The following TAOK1 variants were observed in gnomAD, a reference collection of about 807,000 sequenced individuals.
TAOK1 encodes serine/threonine-protein kinase TAO1.
Under a neutral mutation model 138.3 loss-of-function variants are expected in TAOK1, and 21 were observed. The ratio of observed to expected loss-of-function variants is 0.15; its 90% CI spans 0.11 to 0.22. The LOEUF (loss-of-function observed/expected upper bound fraction) is 0.22. Among genes scored for constraint, TAOK1 ranks in the 10% least tolerant of loss-of-function variants. The probability of loss-of-function intolerance (pLI) is 1.00; values close to 1 mark genes in which losing one functional copy is unlikely to be tolerated. For synonymous variants in TAOK1, 361 were observed against 398.4 expected (o/e 0.91, Z 1.12); for missense variants, 651 against 1,227.7 (o/e 0.53, Z 7.02).
At chr17:29,437,446 CCTCAGCCT>C (rs946183812) in intron 1 of TAOK1, among the ~76,000 whole-genome samples, 24 of 152,218 alleles carry the variant, frequency 1.6e-4, no homozygotes, top group African/African-American at 5.8e-4. Context: ...GATCTGCCTG[CCTCAGCCT>C]CTCAAAGTGT....
intron 1 of TAOK1, among the ~76,000 whole-genome samples, chr17:29,442,929 C>T (rs1178269534): frequency 6.6e-6 from 1 of 152,048 alleles, no homozygotes; most frequent in Admixed American, 6.5e-5. Flanking sequence ...CTGATTCGTC[C>T]TATAATGTCA....
chr17:29,453,940 C>T (rs2030310086), intron 2 of TAOK1, among the ~76,000 whole-genome samples: 1 of 150,846 alleles, frequency 6.6e-6, no homozygotes, highest in Non-Finnish European at 1.5e-5. Flanking sequence ...TCCAGAATAG[C>T]TGGGACCACA....
At chr17:29,466,998 G>C (rs539707875) in intron 2 of TAOK1, 147 bp from the exon 3 acceptor site, 2 of 458,430 alleles carry the variant, frequency 4.4e-6, no homozygotes, top group Non-Finnish European at 7.8e-6. Context: ...TTGCTGTATA[G>C]TGTTATTTTT....
At chr17:29,465,710 C>A (rs2030645734) in intron 2 of TAOK1, among the ~76,000 whole-genome samples, 1 of 151,796 alleles carries the variant, frequency 6.6e-6, no homozygotes, top group African/African-American at 2.4e-5. Flanking sequence ...GGTTTCTAAC[C>A]CTTTTATTAA....
chr17:29,407,965 T>C (rs1166348343), intron 1 of TAOK1, among the ~76,000 whole-genome samples: 1 of 151,860 alleles, frequency 6.6e-6, no homozygotes, highest in Admixed American at 6.6e-5. Flanking sequence ...TGGGCTTAAG[T>C]GATCCTCTTG....
At chr17:29,474,400 C>G (rs764650941) in intron 3 of TAOK1, among the ~76,000 whole-genome samples, 8 of 152,266 alleles carry the variant, frequency 5.3e-5, no homozygotes, top group Non-Finnish European at 1.2e-4. Context: ...TTTTGACATG[C>G]CTTTCTCACT....
chr17:29,421,421 A>G (rs186938821), intron 1 of TAOK1, among the ~76,000 whole-genome samples: 3 of 152,290 alleles, frequency 2.0e-5, no homozygotes, highest in East Asian at 3.9e-4. Flanking sequence ...TGGTTTTGGT[A>G]TCATGGTAAT....
At chr17:29,418,075 A>G (rs972059929) in intron 1 of TAOK1, among the ~76,000 whole-genome samples, 1 of 152,026 alleles carries the variant, frequency 6.6e-6, no homozygotes, top group African/African-American at 2.4e-5. Flanking sequence ...TTTAGTAGAG[A>G]CGGGGTTTCG....
chr17:29,475,796 G>A (rs1294803697), intron 4 of TAOK1, 25 bp downstream of exon 4: 1 of 1,557,174 alleles, frequency 6.4e-7, no homozygotes, highest in Non-Finnish European at 8.8e-7. Context: ...TCCCCTTGTT[G>A]CAGTTTTAGC....
intron 1 of TAOK1, among the ~76,000 whole-genome samples, chr17:29,440,407 AC>A (rs1468491802): frequency 6.6e-6 from 1 of 152,026 alleles, no homozygotes; most frequent in South Asian, 2.1e-4. Flanking sequence ...CTGCTCCACA[AC>A]CCCCCAAAAG....
At chr17:29,394,002 T>C (rs933088930) in intron 1 of TAOK1, among the ~76,000 whole-genome samples, 5 of 152,064 alleles carry the variant, frequency 3.3e-5, no homozygotes, top group Non-Finnish European at 7.4e-5. Context: ...AAAATAAACT[T>C]TCTGTATAAC....
intron 15 of TAOK1, among the ~76,000 whole-genome samples, chr17:29,516,604 G>A (rs887088596): frequency 6.6e-5 from 10 of 150,682 alleles, no homozygotes; most frequent in African/African-American, 2.4e-4. Flanking sequence ...CTGGGTTCAA[G>A]CGATTCTCTG....
At chr17:29,533,749 G>A (rs2032171986) in intron 18 of TAOK1, among the ~76,000 whole-genome samples, 1 of 147,412 alleles carries the variant, frequency 6.8e-6, no homozygotes, top group Non-Finnish European at 1.5e-5. Context: ...GCTGAGGCAG[G>A]AGAATCAGGC....
chr17:29,463,014 CTT>C (rs1404643591), intron 2 of TAOK1, among the ~76,000 whole-genome samples: 1 of 152,038 alleles, frequency 6.6e-6, no homozygotes, highest in Non-Finnish European at 1.5e-5. Flanking sequence ...TAAACAAACA[CTT>C]TTGCAAGCTT....
At chr17:29,413,883 T>TC (rs1427815654) in intron 1 of TAOK1, among the ~76,000 whole-genome samples, 9 of 140,560 alleles carry the variant, frequency 6.4e-5, no homozygotes, top group Admixed American at 2.1e-4. Context: ...TCTGGCTTCT[T>TC]TTTTTTTTTT....
intron 11 of TAOK1, among the ~76,000 whole-genome samples, chr17:29,497,497 C>T (rs2031436799): frequency 6.6e-6 from 1 of 151,992 alleles, no homozygotes; most frequent in African/African-American, 2.4e-5. Context: ...TTATTAAATT[C>T]TGCATATCTT....
chr17:29,482,836 G>C (rs1405223213), intron 8 of TAOK1, among the ~76,000 whole-genome samples: 1 of 151,906 alleles, frequency 6.6e-6, no homozygotes, highest in African/African-American at 2.4e-5. Flanking sequence ...TGCAATGAGA[G>C]AGAGAGAGAG....
intron 8 of TAOK1, 79 bp from the exon 9 acceptor site, chr17:29,489,581 TAAAA>T (rs769082859): frequency 1.7e-6 from 1 of 594,446 alleles, no homozygotes; most frequent in Admixed American, 3.8e-5. Flanking sequence ...TAAAATCATT[TAAAA>T]AAAAAAAAGG....
At chr17:29,450,708 G>T (rs2030209700) in intron 1 of TAOK1, among the ~76,000 whole-genome samples, 1 of 152,088 alleles carries the variant, frequency 6.6e-6, no homozygotes, top group African/African-American at 2.4e-5. Flanking sequence ...TAGAGGCAGG[G>T]TCTTACCATA....
Sources: gnomAD v4.1 joint callset for allele counts (sites outside exome capture counted in the v4.1 genomes callset) on GRCh38, gnomAD v4.1.1 for gene constraint, MANE v1.5 for transcripts, NCBI Gene and HGNC (gene_info 2026-07-23, HGNC 2026-07-21) for gene names.